The following C16orf95 variants were observed in gnomAD, a reference collection of about 807,000 sequenced individuals.
C16orf95 encodes uncharacterized protein C16orf95.
Under a neutral mutation model 32.1 loss-of-function variants are expected in C16orf95, and 41 were observed. The ratio of observed to expected loss-of-function variants is 1.28; its 90% CI spans 1.00 to 1.66. The LOEUF is 1.66. Ranked by LOEUF, C16orf95 falls within the 40% of genes most tolerant of loss-of-function variation. C16orf95 has a pLI of 0.00. For synonymous variants in C16orf95, 147 were observed against 128.9 expected (o/e 1.14, Z -0.95); for missense variants, 399 against 325.9 (o/e 1.22, Z -1.73).
At chr16:87,310,899 C>T (rs993341971) in intron 4 of C16orf95, among the ~76,000 whole-genome samples, 1 of 152,160 alleles carries the variant, frequency 6.6e-6, no homozygotes, top group Non-Finnish European at 1.5e-5. Flanking sequence ...CACCCCTCTG[C>T]AGAGAGCAGC....
chr16:87,307,071 T>A (rs1446976680), intron 5 of C16orf95, among the ~76,000 whole-genome samples: 2 of 152,162 alleles, frequency 1.3e-5, no homozygotes, highest in African/African-American at 4.8e-5. Context: ...CTCTGGGGGT[T>A]CCACTCAAAT....
chr16:87,305,460 C>T lies in C16orf95; in HGVS notation c.701+259G>A, dbSNP rs1447039480. ...TTCTGGGAGCAGGGCCATTTTAGAA[C>T]TTGGGAAGAGGGAAGGGGTGGAAGT... On this transcript the variant is annotated intron_variant, in intron 6 of 6. Transcript: ENST00000567970. The surrounding 1 kb of genome is among the most constrained non-coding windows in gnomAD (Gnocchi z 4.2). Among the ~76,000 whole-genome samples, 1 of 128,970 alleles carries T rather than the reference C, an allele frequency of 7.8e-6. No individual in the cohort carries two copies. The highest frequency in any genetic ancestry group is 2.7e-5 in the African/African-American group (1 of 36,400). The allele number at this position is 128,970 out of a possible 152,430, so 84.6% of individuals were successfully genotyped here. A position where few individuals can be genotyped will look rare whatever the true frequency, so the allele number is the denominator to read the frequency against.
At chr16:87,312,464 G>A (rs138949926) in intron 3 of C16orf95, among the ~76,000 whole-genome samples, 2,450 of 151,234 alleles carry the variant, frequency 0.016, 73 homozygotes, top group African/African-American at 0.057. Flanking sequence ...AGCTACCCGG[G>A]AGACTGAGGC....
chr16:87,311,566 G>C (rs529978428), intron 3 of C16orf95, among the ~76,000 whole-genome samples: 5 of 152,204 alleles, frequency 3.3e-5, no homozygotes, highest in Non-Finnish European at 7.3e-5. Flanking sequence ...CCTGTGCCCT[G>C]GCGGAGCACA....
intron 6 of C16orf95, 74 bp from the exon 7 acceptor site, chr16:87,303,149 G>C: frequency 1.4e-6 from 2 of 1,469,536 alleles, no homozygotes; most frequent in Non-Finnish European, 9.2e-7. Flanking sequence ...GCGTGCCCTT[G>C]GGAAACCTCC....
At position 87,317,361 on chromosome 16, in the gene C16orf95, C is replaced by A. The variant is rs527801424; in HGVS notation, c.-119G>T. The A allele has an allele frequency of 2.8e-6, 4 of 1,414,434 alleles. No individual in the cohort carries two copies. Among genetic ancestry groups the A allele is most frequent in the Non-Finnish European group, 3.7e-6 (4 of 1,086,900 alleles). 87.6% of individuals were successfully genotyped at this position (1,414,434 alleles called of 1,614,324 possible). A position where few individuals can be genotyped will look rare whatever the true frequency, so the allele number is the denominator to read the frequency against. On this transcript the variant is annotated 5_prime_UTR_variant, in exon 1 of 7. Coordinates refer to ENST00000567970, the MANE Select transcript of C16orf95 (RefSeq NM_001195124.3). ...ACCCAACCCGAGCTCAACCCCAGCC[C>A]CAACCTCAACCGCTCAGAGGAGCCC...
intron 5 of C16orf95, among the ~76,000 whole-genome samples, chr16:87,310,055 A>G (rs28588095): frequency 0.55 from 83,119 of 151,768 alleles, 23,236 homozygotes; most frequent in Non-Finnish European, 0.6. Flanking sequence ...CATCCAGAGA[A>G]CCGATGCTGG....
Position 87,305,162 on chromosome 16 carries a change from TG to T in C16orf95, c.701+556del, listed in dbSNP as rs1910956324. Among the ~76,000 whole-genome samples, 1 of 152,112 alleles carries T rather than the reference TG, an allele frequency of 6.6e-6. No homozygotes were observed. The highest frequency in any genetic ancestry group is 1.5e-5 in the Non-Finnish European group (1 of 68,000). ...CCGGGGAGTGGCCCCGGAGGCTTCC[TG>T]GGGGAGGTATCCCAGCAGAAAGCCA... On this transcript the variant is annotated intron_variant, in intron 6 of 6. Coordinates refer to ENST00000567970, the MANE Select transcript of C16orf95 (RefSeq NM_001195124.3). This position sits in a 1 kb window ranked among gnomAD's most constrained non-coding sequence, Gnocchi z 4.2.
chr16:87,305,575 ACACT>A lies in C16orf95; in HGVS notation c.701+140_701+143del. ...TGCGCTGTGCAGAGCACCACAGGAC[ACACT>A]CACAGTGCCGGGCCTTGGACGCCTG... On this transcript the variant is annotated intron_variant, in intron 6 of 6. Transcript: ENST00000567970. This position sits in a 1 kb window ranked among gnomAD's most constrained non-coding sequence, Gnocchi z 4.2. The A allele has an allele frequency of 1.5e-6, 1 of 661,388 alleles. No homozygotes were observed. The allele number at this position is 661,388 out of a possible 1,614,324, so 41.0% of individuals were successfully genotyped here. A position where few individuals can be genotyped will look rare whatever the true frequency, so the allele number is the denominator to read the frequency against.
chr16:87,315,530 TC>T (rs1268176024), intron 2 of C16orf95, among the ~76,000 whole-genome samples: 1 of 152,152 alleles, frequency 6.6e-6, no homozygotes, highest in East Asian at 1.9e-4. Flanking sequence ...TGCCATCACC[TC>T]CAGGGGCACA....
At chr16:87,315,928 A>C in intron 1 of C16orf95, 105 bp from the exon 2 acceptor site, 1 of 647,326 alleles carries the variant, frequency 1.5e-6, no homozygotes, top group Non-Finnish European at 2.4e-6. Flanking sequence ...CTTAATAATA[A>C]AGCCCACGGG....
chr16:87,315,241 C>G, intron 2 of C16orf95, 145 bp from the exon 3 acceptor site: 1 of 877,026 alleles, frequency 1.1e-6, no homozygotes, highest in Non-Finnish European at 1.7e-6. Flanking sequence ...TGGAAAGAGG[C>G]AGGCTACCGT....
chr16:87,314,839 A>T lies in C16orf95; in HGVS notation c.330+132T>A, dbSNP rs1346678130. 6.8e-6 allele frequency: 6 copies of T among 886,186 alleles called. No homozygotes were observed. In the East Asian group the frequency reaches 8.1e-5, roughly 12 times the overall value. 54.9% of individuals were successfully genotyped at this position (886,186 alleles called of 1,614,324 possible). ...CCATCTGACATGAAAATAAATAAAT[A>T]AATAATATCAAACTGTCTCCCTGAA... On this transcript the variant is annotated intron_variant, in intron 3 of 6. Transcript: ENST00000567970.
At chr16:87,315,295 C>A (rs567592206) in intron 2 of C16orf95, among the ~76,000 whole-genome samples, 199 bp from the exon 3 acceptor site, 24 of 152,284 alleles carry the variant, frequency 1.6e-4, no homozygotes, top group Non-Finnish European at 2.8e-4. Flanking sequence ...GGGGATCCCC[C>A]GGAGCTTGCA....
At chr16:87,314,738 A>C (rs1026854549) in intron 3 of C16orf95, among the ~76,000 whole-genome samples, 2 of 152,244 alleles carry the variant, frequency 1.3e-5, no homozygotes, top group Non-Finnish European at 2.9e-5. Flanking sequence ...ATAGTTCATA[A>C]GCATGATAAC....
rs914096039 is a variant in C16orf95 at position 87,305,085 on chromosome 16, C to T, written c.701+634G>A. ...TTTGCAGAGGAGCCACCGCCTAGGC[C>T]GAGAGTAAAGGAGTAAGAGGAAGTA... On this transcript the variant is annotated intron_variant, in intron 6 of 6. Coordinates refer to ENST00000567970, the MANE Select transcript of C16orf95 (RefSeq NM_001195124.3). The surrounding 1 kb of genome is among the most constrained non-coding windows in gnomAD (Gnocchi z 4.2). Among the ~76,000 whole-genome samples the T allele has an allele frequency of 2.6e-5, 4 of 152,088 alleles. No individual in the cohort carries two copies. Among genetic ancestry groups the T allele is most frequent in the East Asian group, 1.9e-4 (1 of 5,172 alleles).
chr16:87,303,536 C>T (rs1232387962), intron 6 of C16orf95: 3 of 171,494 alleles, frequency 1.7e-5, no homozygotes, highest in African/African-American at 7.0e-5. Flanking sequence ...TCTCACAGGG[C>T]ACCCAAACAT....
intron 6 of C16orf95, among the ~76,000 whole-genome samples, chr16:87,304,960 C>T (rs193292116): frequency 1.3e-5 from 2 of 152,324 alleles, no homozygotes; most frequent in East Asian, 3.9e-4. Flanking sequence ...TGTGTGTGTG[C>T]GTTTGTTCAC....
rs1904397506 is a variant in C16orf95 at position 87,317,329 on chromosome 16, A to G, written c.-87T>C. ...GGCTCCCGCCTTTCCCTCCTGCCCCAGGAGGAACCCAACCCGAGCTCAACC... is the reference window on the plus strand; with the variant it reads ...GGCTCCCGCCTTTCCCTCCTGCCCCGGGAGGAACCCAACCCGAGCTCAACC... On this transcript the variant is annotated 5_prime_UTR_variant, in exon 1 of 7. Coordinates refer to ENST00000567970, the MANE Select transcript of C16orf95 (RefSeq NM_001195124.3). 2.8e-6 allele frequency: 4 copies of G among 1,438,874 alleles called. No homozygotes were observed. Among genetic ancestry groups the G allele is most frequent in the East Asian group, 2.7e-5 (1 of 37,180 alleles). 89.1% of individuals were successfully genotyped at this position (1,438,874 alleles called of 1,614,324 possible). A position where few individuals can be genotyped will look rare whatever the true frequency, so the allele number is the denominator to read the frequency against.
Sources: gnomAD v4.1 joint callset for allele counts (sites outside exome capture counted in the v4.1 genomes callset) on GRCh38, gnomAD v4.1.1 for gene constraint, Gnocchi (gnomAD v3.1) non-coding constraint, MANE v1.5 for transcripts, NCBI Gene and HGNC (gene_info 2026-07-23, HGNC 2026-07-21) for gene names.